PCDH15: variants seen among roughly 807,000 people sequenced by gnomAD.
PCDH15 encodes protocadherin-15.
A neutral mutation model predicts 178.5 loss-of-function variants in PCDH15; 129 were observed. The observed-to-expected ratio is 0.72, with a 90% CI of 0.63 to 0.84. The LOEUF is 0.84. PCDH15 is among the 40% of genes least tolerant of loss of function. The pLI, the probability that PCDH15 is intolerant of heterozygous loss-of-function variation, is 0.00. For synonymous variants in PCDH15, 800 were observed against 732.0 expected (o/e 1.09, Z -1.50); for missense variants, 2,230 against 2,099.9 (o/e 1.06, Z -1.21).
intron 2 of PCDH15, among the ~76,000 whole-genome samples, chr10:55,484,456 A>C (rs898787824): frequency 6.6e-6 from 1 of 151,738 alleles, no homozygotes. Flanking sequence ...AATATTGTTA[A>C]AATGTTCATA....
intron 1 of PCDH15, among the ~76,000 whole-genome samples, chr10:55,299,654 C>T (rs1482223942): frequency 6.6e-6 from 1 of 152,150 alleles, no homozygotes; most frequent in African/African-American, 2.4e-5. Flanking sequence ...ATTTCTTACA[C>T]TTCTCAATGA....
intron 2 of PCDH15, among the ~76,000 whole-genome samples, chr10:54,992,700 A>G (rs1839532837): frequency 1.3e-5 from 2 of 151,560 alleles, no homozygotes; most frequent in South Asian, 2.1e-4. Flanking sequence ...GCTTGCAGTG[A>G]GCAGAGATCA....
At position 54,601,140 on chromosome 10, in the gene PCDH15, G is replaced by A. The variant is rs533148073; in HGVS notation, c.91+63032C>T. ...ATGTTGATCGATGTGAAATGTCATA[G>A]CAGTACTTGCTCAATAAAGGTCATA... On this transcript the variant is annotated intron_variant, in intron 2 of 37. Coordinates refer to ENST00000644397, the MANE Select transcript of PCDH15 (RefSeq NM_001384140.1). Among the ~76,000 whole-genome samples, 221 of 152,072 alleles carry A rather than the reference G, an allele frequency of 1.5e-3. 1 individual carries two copies. The highest frequency in any genetic ancestry group is 9.6e-4 in the Non-Finnish European group (65 of 67,950).
chr10:54,183,201 C>T (rs1042388006), intron 13 of PCDH15, among the ~76,000 whole-genome samples: 5 of 152,178 alleles, frequency 3.3e-5, no homozygotes, highest in Non-Finnish European at 7.3e-5. Context: ...GAACTCCCGA[C>T]CTCAGGTGAT....
chr10:55,177,942 C>T (rs1839540459), intron 1 of PCDH15, among the ~76,000 whole-genome samples: 2 of 152,134 alleles, frequency 1.3e-5, no homozygotes, highest in Admixed American at 1.3e-4. Flanking sequence ...ATTGAGAGCA[C>T]ACCTCTTTCT....
intron 3 of PCDH15, among the ~76,000 whole-genome samples, chr10:54,389,360 C>T (rs1950268129): frequency 6.6e-6 from 1 of 152,060 alleles, no homozygotes; most frequent in African/African-American, 2.4e-5. Flanking sequence ...TAAAATAGGG[C>T]TTCTCAATTT....
At chr10:53,913,010 C>T (rs931542517) in intron 25 of PCDH15, among the ~76,000 whole-genome samples, 1 of 152,264 alleles carries the variant, frequency 6.6e-6, no homozygotes, top group Admixed American at 6.5e-5. Flanking sequence ...AAGAACAAAG[C>T]TGGAGGCATC....
chr10:54,682,639 G>C (rs371147521), intron 1 of PCDH15, among the ~76,000 whole-genome samples: 87 of 152,100 alleles, frequency 5.7e-4, no homozygotes, highest in African/African-American at 1.9e-3. Flanking sequence ...TATAATATCT[G>C]AAATTTAAGG....
At chr10:54,967,912 G>C (rs1287186131) in intron 2 of PCDH15, among the ~76,000 whole-genome samples, 1 of 152,082 alleles carries the variant, frequency 6.6e-6, no homozygotes, top group Non-Finnish European at 1.5e-5. Context: ...ATCACCCTAT[G>C]TGCTCAGTGT....
intron 9 of PCDH15, 64 bp from the exon 10 acceptor site, chr10:54,214,112 T>C (rs940515734): frequency 6.7e-6 from 6 of 901,528 alleles, no homozygotes; most frequent in Non-Finnish European, 1.1e-5. Flanking sequence ...ATCTGCTTTT[T>C]CTATTTCCCT....
At chr10:55,541,747 ACATT>A (rs1364534931) in intron 2 of PCDH15, among the ~76,000 whole-genome samples, 1 of 151,906 alleles carries the variant, frequency 6.6e-6, no homozygotes, top group Non-Finnish European at 1.5e-5. Context: ...TTTTATTTGT[ACATT>A]CATTTATTCA....
chr10:55,367,761 T>A (rs1209776681), intron 2 of PCDH15, among the ~76,000 whole-genome samples: 2 of 152,122 alleles, frequency 1.3e-5, no homozygotes, highest in East Asian at 3.9e-4. Flanking sequence ...CAGCAGGAAG[T>A]CCCTAGTTAG....
At chr10:55,126,001 A>G (rs187487866) in intron 2 of PCDH15, among the ~76,000 whole-genome samples, 7 of 152,126 alleles carry the variant, frequency 4.6e-5, no homozygotes, top group African/African-American at 1.4e-4. Flanking sequence ...TTAAGTTGCA[A>G]TGTATTTCCA....
chr10:54,344,916 A>AC (rs1565027805), intron 6 of PCDH15, among the ~76,000 whole-genome samples: 19 of 147,266 alleles, frequency 1.3e-4, no homozygotes, highest in African/African-American at 4.2e-4. Flanking sequence ...AAAAAAAAAA[A>AC]AAAAAAAAAA....
intron 2 of PCDH15, among the ~76,000 whole-genome samples, chr10:55,065,526 T>C (rs1162180300): frequency 6.6e-6 from 1 of 152,056 alleles, no homozygotes; most frequent in African/African-American, 2.4e-5. Flanking sequence ...TTGGCTTAAA[T>C]AGTCTTGTAT....
chr10:54,976,992 T>C (rs1839088177), intron 2 of PCDH15, among the ~76,000 whole-genome samples: 1 of 152,196 alleles, frequency 6.6e-6, no homozygotes, highest in South Asian at 2.1e-4. Flanking sequence ...CTCACAGTCA[T>C]AATCTTTCAA....
intron 28 of PCDH15, among the ~76,000 whole-genome samples, chr10:53,856,448 A>G (rs1457224989): frequency 6.6e-6 from 1 of 152,066 alleles, no homozygotes; most frequent in Non-Finnish European, 1.5e-5. Flanking sequence ...CATATTTTAC[A>G]ATAATTTAAA....
At position 54,020,248 on chromosome 10, in the gene PCDH15, A is replaced by T. The variant is rs776975219; in HGVS notation, c.2695T>A (p.Phe899Ile). Reference protein sequence around the residue: ...EASITFLVEAFDIYGTMPPGI... With the variant: ...EASITFLVEAIDIYGTMPPGI... ...GGTGGCATTGTTCCATAAATATCAA[A>T]GGCCTCTACCAGAAAAGTGATACTT... Residue 899 changes from phenylalanine to isoleucine, a missense_variant, in exon 20 of 38, where the codon TTT (phenylalanine) becomes ATT (isoleucine). Physicochemically the swap from Phe to Ile is conservative, Grantham distance 21. Coordinates refer to ENST00000644397, the MANE Select transcript of PCDH15 (RefSeq NM_001384140.1). The T allele has an allele frequency of 1.2e-6, 2 of 1,613,780 alleles. No individual in the cohort carries two copies. Among genetic ancestry groups the T allele is most frequent in the South Asian group, 2.2e-5 (2 of 91,068 alleles).
chr10:54,991,542 T>G (rs1426911672), intron 2 of PCDH15, among the ~76,000 whole-genome samples: 2 of 152,190 alleles, frequency 1.3e-5, no homozygotes, highest in Non-Finnish European at 2.9e-5. Context: ...GTCACAGACA[T>G]AATTAAAACA....
Sources: allele counts gnomAD v4.1 joint callset (sites outside exome capture counted in the v4.1 genomes callset), GRCh38; gene constraint gnomAD v4.1.1; transcripts MANE v1.5; gene names NCBI Gene and HGNC (gene_info 2026-07-23, HGNC 2026-07-21).